MAGI1: variants seen among roughly 807,000 people sequenced by gnomAD.
MAGI1 encodes membrane associated guanylate kinase, WW and PDZ domain containing 1, also known as membrane-associated guanylate kinase, WW and PDZ domain-containing protein 1.
MAGI1 carries 58 observed loss-of-function variants against 139.9 expected under a neutral mutation model. The observed-to-expected ratio is 0.41, with a 90% CI of 0.34 to 0.52. MAGI1 has a LOEUF of 0.52. Ranked by LOEUF, MAGI1 falls within the 20% of genes least tolerant of loss-of-function variation. The pLI is 0.12. For synonymous variants in MAGI1, 812 were observed against 737.9 expected, an observed-to-expected ratio of 1.10 and a Z score of -1.63; for missense variants, 1,874 against 1,901.6, an observed-to-expected ratio of 0.99 and a Z score of 0.27.
At chr3:66,016,087 A>G (rs974002207) in intron 1 of MAGI1, among the ~76,000 whole-genome samples, 1 of 152,218 alleles carries the variant, frequency 6.6e-6, no homozygotes, top group African/African-American at 2.4e-5. Context: ...GAGTGTTAAA[A>G]CAGAAGTGTT....
Position 65,477,455 on chromosome 3 carries a change from T to C in MAGI1, c.757+1137A>G, listed in dbSNP as rs572791559. 2.0e-5 allele frequency among the ~76,000 whole-genome samples: 3 copies of C among 152,272 alleles called. No individual in the cohort carries two copies. The South Asian group carries it at 6.2e-4, about 32-fold the overall frequency. ...CACTATGGGAGAGGATAATCTCATA[T>C]GTTGAAAACGGATAACTTATTCATG... On this transcript the variant is annotated intron_variant, in intron 4 of 22. Coordinates refer to ENST00000402939, the MANE Select transcript of MAGI1 (RefSeq NM_001033057.2).
In MAGI1 at chr3:65,838,512, C is replaced by T. The variant is rs955598869; in HGVS notation, c.313+199484G>A. ...ATATGACCTTTAGAGATTGTTTTTT[C>T]GTCACTCAGCATAATGCCTTTGAGA... On this transcript the variant is annotated intron_variant, in intron 1 of 22. Coordinates refer to ENST00000402939, the MANE Select transcript of MAGI1 (RefSeq NM_001033057.2). Among the ~76,000 whole-genome samples the T allele has an allele frequency of 6.6e-5, 10 of 151,994 alleles. No homozygotes were observed. In the South Asian group the frequency reaches 1.2e-3, roughly 19 times the overall value.
chr3:65,388,425 G>T (rs561768159), intron 14 of MAGI1, among the ~76,000 whole-genome samples: 2 of 152,140 alleles, frequency 1.3e-5, no homozygotes, highest in Admixed American at 6.5e-5. Context: ...TACTGTCTTG[G>T]GGGGAGGGGG....
chr3:65,946,135 G>C (rs1313871317), intron 1 of MAGI1, among the ~76,000 whole-genome samples: 1 of 152,210 alleles, frequency 6.6e-6, no homozygotes, highest in African/African-American at 2.4e-5. Flanking sequence ...GCCACCGAGG[G>C]TATCTGTCCA....
At chr3:65,916,246 T>C (rs760382472) in intron 1 of MAGI1, among the ~76,000 whole-genome samples, 1 of 152,030 alleles carries the variant, frequency 6.6e-6, no homozygotes, top group Non-Finnish European at 1.5e-5. Flanking sequence ...TTTTTGTATT[T>C]TTAGTAGAGA....
intron 3 of MAGI1, among the ~76,000 whole-genome samples, chr3:65,492,993 G>A (rs919513908): frequency 6.6e-6 from 1 of 150,414 alleles, no homozygotes; most frequent in Non-Finnish European, 1.5e-5. Flanking sequence ...CAGGAGAATG[G>A]CATGAACCCA....
At chr3:65,611,134 T>G (rs1247707489) in intron 2 of MAGI1, among the ~76,000 whole-genome samples, 1 of 140,066 alleles carries the variant, frequency 7.1e-6, no homozygotes, top group East Asian at 2.1e-4. Flanking sequence ...ATATATAGTA[T>G]AAATAGTATA....
chr3:65,509,410 G>C (rs1216788423), intron 2 of MAGI1, among the ~76,000 whole-genome samples: 3 of 152,146 alleles, frequency 2.0e-5, no homozygotes, highest in East Asian at 3.9e-4. Flanking sequence ...TATCTCACTA[G>C]GGAGTGCCAG....
chr3:65,424,339 T>A (rs1343941311), intron 12 of MAGI1, among the ~76,000 whole-genome samples: 4 of 152,212 alleles, frequency 2.6e-5, no homozygotes, highest in Admixed American at 6.5e-5. Flanking sequence ...TCAAGTTTAA[T>A]TTATTCAGCT....
rs1943900809 is a variant in MAGI1, at chr3:65,391,214, C to A, written c.2344G>T (p.Asp782Tyr). 6.2e-7 allele frequency: 1 copy of A among 1,614,164 alleles called. No individual in the cohort carries two copies. The highest frequency in any genetic ancestry group is 1.1e-5 in the South Asian group (1 of 91,086). ...TCTGGTTTTTTCTGGCCAGAGCTGT[C>A]AGTTTGATCTGGAGCTTGGGCCTCT... ...PAEAQAPDQTDSSGQKKPDPF... is the reference protein window; with the variant it reads ...PAEAQAPDQTYSSGQKKPDPF... Residue 782 changes from aspartate to tyrosine, a missense_variant, in exon 14 of 23, where the codon GAC becomes TAC. Physicochemically the swap from Asp to Tyr is radical, Grantham distance 160. Around this residue, in one of 5 missense-constraint regions of MAGI1, gnomAD observed 482 missense variants for 509.6 expected, o/e 0.95. Transcript: ENST00000402939.
At position 66,007,298 on chromosome 3, in the gene MAGI1, G is replaced by A. The variant is rs569592213; in HGVS notation, c.313+30698C>T. 6.6e-5 allele frequency among the ~76,000 whole-genome samples: 10 copies of A among 152,262 alleles called. No homozygotes were observed. In the South Asian group the frequency reaches 1.9e-3, roughly 28 times the overall value. On this transcript the variant is annotated intron_variant, in intron 1 of 22. Transcript: ENST00000402939. Reference sequence around the variant, plus strand: ...TCTCATTGTCTCCTTTAAGCCCCACGGCGATCCTATCTTCCCAATGACACA... The same window carrying A: ...TCTCATTGTCTCCTTTAAGCCCCACAGCGATCCTATCTTCCCAATGACACA...
intron 1 of MAGI1, among the ~76,000 whole-genome samples, chr3:65,903,196 G>C (rs899181566): frequency 1.3e-5 from 2 of 152,118 alleles, no homozygotes; most frequent in African/African-American, 4.8e-5. Flanking sequence ...GGGTCTCTAT[G>C]GTGCCCAGGC....
intron 1 of MAGI1, among the ~76,000 whole-genome samples, chr3:65,778,648 G>C (rs139539246): frequency 1.7e-3 from 259 of 152,170 alleles, no homozygotes; most frequent in African/African-American, 6.1e-3. Flanking sequence ...GACCACTCAG[G>C]TCAAAGAGCC....
intron 1 of MAGI1, among the ~76,000 whole-genome samples, chr3:65,708,116 A>G (rs568359353): frequency 1.3e-5 from 2 of 152,326 alleles, no homozygotes; most frequent in East Asian, 3.9e-4. Flanking sequence ...GTTGAAAAAT[A>G]ATCTTTAGAA....
intron 1 of MAGI1, among the ~76,000 whole-genome samples, chr3:65,660,195 T>C (rs2086116510): frequency 2.0e-5 from 3 of 152,228 alleles, no homozygotes; most frequent in Admixed American, 2.0e-4. Flanking sequence ...TTCATTGACT[T>C]GTTGATTCAT....
At chr3:65,402,533 T>C (rs72626920) in intron 12 of MAGI1, among the ~76,000 whole-genome samples, 2 of 152,204 alleles carry the variant, frequency 1.3e-5, no homozygotes, top group African/African-American at 4.8e-5. Context: ...GGAGTTAGAA[T>C]GCAAAATACA....
intron 1 of MAGI1, among the ~76,000 whole-genome samples, chr3:65,835,246 C>T (rs2042743158): frequency 6.6e-6 from 1 of 152,082 alleles, no homozygotes; most frequent in African/African-American, 2.4e-5. Context: ...TTAAGTGCCC[C>T]TCTGGTATAA....
At chr3:65,814,840 T>A (rs66466748) in intron 1 of MAGI1, among the ~76,000 whole-genome samples, 12,694 of 152,278 alleles carry the variant, frequency 0.083, 796 homozygotes, top group South Asian at 0.22. Context: ...AGACATAAAA[T>A]GGTTCATTTA....
chr3:65,526,021 CAAAG>C (rs1390453845), intron 2 of MAGI1, among the ~76,000 whole-genome samples: 5 of 152,146 alleles, frequency 3.3e-5, no homozygotes, highest in Non-Finnish European at 7.4e-5. Context: ...TTTGCAAAAA[CAAAG>C]AATCTTTTGT....
Sources: allele counts gnomAD v4.1 joint callset (sites outside exome capture counted in the v4.1 genomes callset), GRCh38; gene constraint gnomAD v4.1.1; regional missense constraint gnomAD v4.1.1; transcripts MANE v1.5; gene names NCBI Gene and HGNC (gene_info 2026-07-23, HGNC 2026-07-21).